Variants in RIPK2 observed in about 807,000 individuals in gnomAD.
RIPK2 encodes receptor interacting serine/threonine kinase 2, also known as receptor-interacting serine/threonine-protein kinase 2.
A neutral mutation model predicts 60.9 loss-of-function variants in RIPK2; 38 were observed. The ratio of observed to expected loss-of-function variants is 0.62; its 90% CI spans 0.48 to 0.82. RIPK2 has a LOEUF of 0.82. Ranked by LOEUF, RIPK2 falls within the 40% of genes least tolerant of loss-of-function variation. The pLI is 0.00. For missense variants in RIPK2, 518 were observed against 647.0 expected (o/e 0.80, Z 2.16); for synonymous variants, 225 against 223.4 (o/e 1.01, Z -0.06).
intron 6 of RIPK2, among the ~76,000 whole-genome samples, chr8:89,775,386 G>A (rs780057281): frequency 6.6e-6 from 1 of 152,138 alleles, no homozygotes; most frequent in Non-Finnish European, 1.5e-5. Flanking sequence ...AAAATGTTGA[G>A]GCTGCAGTGA....
chr8:89,779,781 G>A (rs1327756033), intron 6 of RIPK2, among the ~76,000 whole-genome samples: 3 of 152,132 alleles, frequency 2.0e-5, no homozygotes, highest in Non-Finnish European at 4.4e-5. Context: ...AAATTTATCT[G>A]TTTCCAGGTG....
At chr8:89,786,130 G>A (rs1453287102) in intron 8 of RIPK2, among the ~76,000 whole-genome samples, 1 of 152,234 alleles carries the variant, frequency 6.6e-6, no homozygotes, top group East Asian at 1.9e-4. Flanking sequence ...ATCTTTGTTG[G>A]TTATTTTATA....
chr8:89,760,036 C>T (rs1204200973), intron 1 of RIPK2, among the ~76,000 whole-genome samples: 1 of 152,176 alleles, frequency 6.6e-6, no homozygotes, highest in Non-Finnish European at 1.5e-5. Context: ...GCATTTACTG[C>T]ATCACATTCT....
intron 2 of RIPK2, 66 bp from the exon 3 acceptor site, chr8:89,765,271 ACTTT>A (rs1809208156): frequency 4.6e-6 from 5 of 1,086,920 alleles, no homozygotes; most frequent in East Asian, 2.4e-5. Context: ...GGAATATTTA[ACTTT>A]CTAAGTGTGA....
rs370444559 is a variant in RIPK2 at position 89,772,633 on chromosome 8, A to G, written c.692-34A>G. ...TAAGTAATATGCTTAATCATAATAT[A>G]TTACTAATGAATGCAATCTATTTGT... On this transcript the variant is annotated intron_variant, in intron 5 of 10. Coordinates refer to ENST00000220751, the MANE Select transcript of RIPK2 (RefSeq NM_003821.6). 2.7e-6 allele frequency: 4 copies of G among 1,474,344 alleles called. No individual in the cohort carries two copies. In the South Asian group the frequency reaches 3.7e-5, roughly 14 times the overall value. 91.3% of individuals were successfully genotyped at this position (1,474,344 alleles called of 1,614,324 possible).
intron 6 of RIPK2, among the ~76,000 whole-genome samples, chr8:89,777,092 T>C (rs1173104517): frequency 2.6e-5 from 4 of 152,270 alleles, no homozygotes; most frequent in Non-Finnish European, 5.9e-5. Flanking sequence ...ACAGACTTCA[T>C]AGGACATTGC....
intron 7 of RIPK2, among the ~76,000 whole-genome samples, chr8:89,783,186 A>G (rs564158549): frequency 4.6e-4 from 70 of 152,208 alleles, no homozygotes; most frequent in Non-Finnish European, 9.3e-4. Flanking sequence ...AATTCTGAAG[A>G]GTAGTTGACA....
At chr8:89,761,131 C>T (rs115527697) in intron 1 of RIPK2, among the ~76,000 whole-genome samples, 143 of 152,196 alleles carry the variant, frequency 9.4e-4, no homozygotes, top group African/African-American at 3.2e-3. Context: ...AAATAAATGA[C>T]GAAGATTCTT....
At position 89,762,845 on chromosome 8, in the gene RIPK2, T is replaced by C. The variant is rs1215755401; in HGVS notation, c.190T>C (p.Leu64=). Residue 64 remains leucine (L), a synonymous_variant, in exon 2 of 11, where the codon TTA becomes CTA. Coordinates refer to ENST00000220751, the MANE Select transcript of RIPK2 (RefSeq NM_003821.6). ...TTTTCTTAGTGAAAGAAAGGATGTC[T>C]TAAGAGAAGCTGAAATTTTACACAA... ...PLLDSERKDV[L]REAEILHKAR... The C allele has an allele frequency of 3.4e-6, 5 of 1,468,588 alleles. No individual in the cohort carries two copies. Among genetic ancestry groups the C allele is most frequent in the Non-Finnish European group, 4.6e-6 (5 of 1,091,776 alleles). 91.0% of individuals were successfully genotyped at this position (1,468,588 alleles called of 1,614,324 possible). A position where few individuals can be genotyped will look rare whatever the true frequency, so the allele number is the denominator to read the frequency against.
chr8:89,769,831 C>A lies in RIPK2; in HGVS notation c.543C>A (p.Ser181Arg). Residue 181 changes from serine (S) to arginine (R), a missense_variant, in exon 4 of 11, where the codon AGC becomes AGA. Physicochemically the swap from Ser to Arg is moderately radical, Grantham distance 110. Coordinates refer to ENST00000220751, the MANE Select transcript of RIPK2 (RefSeq NM_003821.6). ...TGTCCCTCTCACAGTCACGAAGTAG[C>A]AAATCTGCACCAGAAGGAGGGACAA... ...RMMSLSQSRS[S>R]KSAPEGGTII... 2 of 1,609,362 alleles carry A rather than the reference C, an allele frequency of 1.2e-6. No individual in the cohort carries two copies. The highest frequency in any genetic ancestry group is 2.7e-5 in the African/African-American group (2 of 74,620).
At chr8:89,789,544 G>T (rs1336800084) in intron 10 of RIPK2, 62 bp downstream of exon 10, 1 of 1,465,088 alleles carries the variant, frequency 6.8e-7, no homozygotes, top group East Asian at 2.3e-5. Flanking sequence ...TCTGTGTTCA[G>T]TGGATTTACC....
Position 89,772,759 on chromosome 8 carries a change from C to G in RIPK2, c.784C>G (p.Arg262Gly). Residue 262 changes from arginine to glycine, a missense_variant, in exon 6 of 11, where the codon CGA (arginine) becomes GGA (glycine). Physicochemically the swap from Arg to Gly is moderately radical, Grantham distance 125. This residue lies in a region of RIPK2 where 448 missense variants were observed against 534.7 expected (regional missense o/e 0.84). Coordinates refer to ENST00000220751, the MANE Select transcript of RIPK2 (RefSeq NM_003821.6). ...EESLPYDIPH[R>G]ARMISLIESG... ...AAGTTTGCCATATGATATACCTCAC[C>G]GAGCACGTATGATCTCTCTAATAGA... The G allele has an allele frequency of 6.2e-7, 1 of 1,611,776 alleles. No homozygotes were observed. Among genetic ancestry groups the G allele is most frequent in the Non-Finnish European group, 8.5e-7 (1 of 1,178,412 alleles).
intron 2 of RIPK2, among the ~76,000 whole-genome samples, chr8:89,765,120 GT>G (rs1216648257): frequency 7.9e-5 from 12 of 151,984 alleles, no homozygotes; most frequent in African/African-American, 2.9e-4. Context: ...CTAAAAGGAA[GT>G]ATTGGTGCCA....
chr8:89,759,970 TG>T (rs1809118624), intron 1 of RIPK2, among the ~76,000 whole-genome samples: 2 of 152,164 alleles, frequency 1.3e-5, no homozygotes, highest in South Asian at 4.1e-4. Context: ...TTCACTGAAT[TG>T]GGTAGGAAAT....
intron 7 of RIPK2, among the ~76,000 whole-genome samples, chr8:89,781,416 G>A (rs918667436): frequency 1.3e-5 from 2 of 148,554 alleles, no homozygotes; most frequent in Admixed American, 1.3e-4. Flanking sequence ...GCCCAGGCTG[G>A]AGTGCCATGA....
At chr8:89,768,433 G>A (rs1480398601) in intron 3 of RIPK2, among the ~76,000 whole-genome samples, 1 of 151,778 alleles carries the variant, frequency 6.6e-6, no homozygotes, top group Non-Finnish European at 1.5e-5. Flanking sequence ...TACAGAGCTT[G>A]AATCAGAGCT....
At chr8:89,784,321 G>T (rs1231289805) in intron 8 of RIPK2, among the ~76,000 whole-genome samples, 182 bp downstream of exon 8, 1 of 152,062 alleles carries the variant, frequency 6.6e-6, no homozygotes, top group Admixed American at 6.6e-5. Flanking sequence ...CTGATTCTCA[G>T]TTCATTGTTC....
intron 8 of RIPK2, among the ~76,000 whole-genome samples, chr8:89,786,089 G>T (rs528383483): frequency 2.0e-5 from 3 of 151,952 alleles, no homozygotes; most frequent in African/African-American, 7.3e-5. Context: ...CCCCTATTTC[G>T]CCCATTTGTG....
chr8:89,790,306 A>T lies in RIPK2; in HGVS notation c.1513A>T (p.Ile505Leu), dbSNP rs201504169. ...DIQGEEFAKV[I>L]VQKLKDNKQM... ...CCAAGGAGAAGAATTTGCCAAAGTT[A>T]TAGTACAAAAATTGAAAGATAACAA... is the stretch of plus-strand genomic sequence containing the variant. The change falls in exon 11 of 11, where the codon ATA becomes TTA. Residue 505 changes from isoleucine (I) to leucine (L), a missense_variant. By Grantham distance (5) the Ile-to-Leu change is conservative (BLOSUM62 2). Coordinates refer to ENST00000220751, the MANE Select transcript of RIPK2 (RefSeq NM_003821.6). 1.4e-5 allele frequency: 23 copies of T among 1,614,134 alleles called. No individual in the cohort carries two copies. In the East Asian group the frequency reaches 5.1e-4, roughly 36 times the overall value.
Sources: gnomAD v4.1 joint callset for allele counts (sites outside exome capture counted in the v4.1 genomes callset) on GRCh38, gnomAD v4.1.1 for gene constraint, gnomAD v4.1.1 regional missense constraint, MANE v1.5 for transcripts, NCBI Gene and HGNC (gene_info 2026-07-23, HGNC 2026-07-21) for gene names.